Variants in MAPKAPK3 observed in about 807,000 individuals in gnomAD.
MAPKAPK3 encodes MAP kinase-activated protein kinase 3.
In MAPKAPK3, 35 loss-of-function variants were observed where a neutral mutation model predicts 49.2. The observed-to-expected ratio is 0.71, with a 90% CI of 0.54 to 0.94. The LOEUF is 0.94. Among genes scored for constraint, MAPKAPK3 ranks in the 40% least tolerant of loss-of-function variants. MAPKAPK3 has a pLI of 0.00. For synonymous variants in MAPKAPK3, 178 were observed against 188.7 expected, an observed-to-expected ratio of 0.94 and a Z score of 0.46; for missense variants, 398 against 493.1, an observed-to-expected ratio of 0.81 and a Z score of 1.83.
chr3:50,627,978 A>T (rs2032803240), intron 2 of MAPKAPK3, among the ~76,000 whole-genome samples: 2 of 152,110 alleles, frequency 1.3e-5, no homozygotes, highest in Non-Finnish European at 2.9e-5. Flanking sequence ...TGAGGGAGAG[A>T]TGCTGAGCAG....
intron 2 of MAPKAPK3, among the ~76,000 whole-genome samples, chr3:50,619,896 C>G (rs1396265753): frequency 6.6e-6 from 1 of 152,168 alleles, no homozygotes; most frequent in African/African-American, 2.4e-5. Context: ...TTGGGTCAGG[C>G]CTGGAGTGGA....
At chr3:50,629,464 C>A (rs892940777) in intron 2 of MAPKAPK3, among the ~76,000 whole-genome samples, 3 of 152,190 alleles carry the variant, frequency 2.0e-5, no homozygotes, top group African/African-American at 7.2e-5. Context: ...ACACCAAGTT[C>A]ATCTGAGCTC....
At chr3:50,615,741 TATTGTCTGGAGCCTCCTGCTTC>T (rs1403214455), upstream of MAPKAPK3, among the ~76,000 whole-genome samples, 1 of 152,222 alleles carries the variant, frequency 6.6e-6, no homozygotes, top group African/African-American at 2.4e-5. Flanking sequence ...CAGCTGAGGC[TATTGTCTGGAGCCTCCTGCTTC>T]ACTGAACACT....
At chr3:50,613,380 A>G (rs2032385823), upstream of MAPKAPK3, among the ~76,000 whole-genome samples, 1 of 152,248 alleles carries the variant, frequency 6.6e-6, no homozygotes, top group Non-Finnish European at 1.5e-5. Context: ...GCTTTCCTGA[A>G]GGGAAGCCGG....
At chr3:50,645,558 A>T in intron 6 of MAPKAPK3, 152 bp from the exon 7 acceptor site, 1 of 622,808 alleles carries the variant, frequency 1.6e-6, no homozygotes, top group Admixed American at 2.9e-5. Flanking sequence ...CTTCACACAC[A>T]TGCTGCCTTT....
rs540276598 is a variant in MAPKAPK3 at position 50,640,550 on chromosome 3, G to T, written c.359+45G>T. The T allele has an allele frequency of 4.5e-6, 7 of 1,556,978 alleles. No individual in the cohort carries two copies. The East Asian group carries it at 1.2e-4, about 26-fold the overall frequency. On this transcript the variant is annotated intron_variant, in intron 3 of 10. Coordinates refer to ENST00000621469, the MANE Select transcript of MAPKAPK3 (RefSeq NM_001243925.2). ...CTCCACACCCCCTCGGCATCCCTGT[G>T]GCCCTCAGGCTCCCTGCCACGCTTC...
At chr3:50,623,401 C>A (rs2107576502) in intron 2 of MAPKAPK3, among the ~76,000 whole-genome samples, 1 of 152,316 alleles carries the variant, frequency 6.6e-6, no homozygotes, top group African/African-American at 2.4e-5. Context: ...TCGTACCGTG[C>A]CTGGCTGGCC....
chr3:50,618,259 C>A (rs1287065039), intron 2 of MAPKAPK3, among the ~76,000 whole-genome samples: 1 of 152,162 alleles, frequency 6.6e-6, no homozygotes, highest in Non-Finnish European at 1.5e-5. Flanking sequence ...GTGGTGTGAG[C>A]CTCCCAGGGC....
chr3:50,623,386 A>T (rs545967221), intron 2 of MAPKAPK3, among the ~76,000 whole-genome samples: 1 of 152,194 alleles, frequency 6.6e-6, no homozygotes, highest in Non-Finnish European at 1.5e-5. Context: ...TTGTTCTGAG[A>T]TGGTTCGTAC....
intron 2 of MAPKAPK3, among the ~76,000 whole-genome samples, chr3:50,633,398 G>T (rs1453029820): frequency 6.6e-6 from 1 of 151,264 alleles, no homozygotes; most frequent in East Asian, 2.0e-4. Flanking sequence ...TACACACGAT[G>T]TATGCATGCA....
upstream of MAPKAPK3, chr3:50,612,372 C>A (rs1449678308): frequency 6.6e-6 from 1 of 152,020 alleles, no homozygotes; most frequent in Non-Finnish European, 1.5e-5. Context: ...CGCTCCTGGA[C>A]CCTAGGACTC....
chr3:50,626,641 A>AG (rs1465261286), intron 2 of MAPKAPK3, among the ~76,000 whole-genome samples: 5 of 152,194 alleles, frequency 3.3e-5, no homozygotes, highest in African/African-American at 9.6e-5. Context: ...GCAGTGGCAC[A>AG]GGGGGCAGGG....
chr3:50,631,781 G>A (rs1165374259), intron 2 of MAPKAPK3, among the ~76,000 whole-genome samples: 2 of 152,238 alleles, frequency 1.3e-5, no homozygotes, highest in Non-Finnish European at 2.9e-5. Flanking sequence ...GCCTCTGTAA[G>A]AATAGGGGTT....
upstream of MAPKAPK3, among the ~76,000 whole-genome samples, chr3:50,614,832 T>C (rs556976803): frequency 6.6e-6 from 1 of 152,192 alleles, no homozygotes; most frequent in Admixed American, 6.5e-5. Flanking sequence ...TGTGGAAGCA[T>C]GGACACTGGT....
At chr3:50,632,375 T>G (rs2032935562) in intron 2 of MAPKAPK3, among the ~76,000 whole-genome samples, 2 of 152,278 alleles carry the variant, frequency 1.3e-5, no homozygotes, top group African/African-American at 4.8e-5. Context: ...CATGGGTTTC[T>G]GGTGCATTTT....
At chr3:50,644,201 C>A (rs2033237649) in intron 5 of MAPKAPK3, among the ~76,000 whole-genome samples, 1 of 152,236 alleles carries the variant, frequency 6.6e-6, no homozygotes, top group Non-Finnish European at 1.5e-5. Context: ...TGAGCACCTG[C>A]CTTGCTTCCC....
chr3:50,621,831 C>G (rs898884323), intron 2 of MAPKAPK3, among the ~76,000 whole-genome samples: 1 of 152,164 alleles, frequency 6.6e-6, no homozygotes, highest in African/African-American at 2.4e-5. Flanking sequence ...GTGGGGTCTT[C>G]TTTCCTGCCC....
At position 50,617,651 on chromosome 3, in the gene MAPKAPK3, G is replaced by T. The variant is rs764208748; in HGVS notation, c.86G>T (p.Gly29Val). ...GGACCCGGCTTGGGCGGTGCTCCGG[G>T]GGGGCGGCGGGAGCCCAAGAAGTAC... is the stretch of plus-strand genomic sequence containing the variant. The part of the protein sequence containing the change: ...PGGPGLGGAP[G>V]GRREPKKYAV... Residue 29 changes from glycine to valine, a missense_variant, in exon 2 of 11, where the codon GGG (glycine) becomes GTG (valine). By Grantham distance (109) the Gly-to-Val change is moderately radical. Coordinates refer to ENST00000621469, the MANE Select transcript of MAPKAPK3 (RefSeq NM_001243925.2). 1 of 1,610,298 alleles carries T rather than the reference G, an allele frequency of 6.2e-7. No homozygotes were observed. The highest frequency in any genetic ancestry group is 8.5e-7 in the Non-Finnish European group (1 of 1,177,510).
At chr3:50,628,917 C>G (rs551345907) in intron 2 of MAPKAPK3, among the ~76,000 whole-genome samples, 2 of 152,150 alleles carry the variant, frequency 1.3e-5, no homozygotes, top group Non-Finnish European at 1.5e-5. Flanking sequence ...CAAAAGGATG[C>G]GCAGAGTTGT....
Sources: allele counts gnomAD v4.1 joint callset (sites outside exome capture counted in the v4.1 genomes callset), GRCh38; gene constraint gnomAD v4.1.1; transcripts MANE v1.5; gene names NCBI Gene and HGNC (gene_info 2026-07-23, HGNC 2026-07-21).